Variants in GRIK4 observed in about 807,000 individuals in gnomAD.
GRIK4 encodes the protein glutamate ionotropic receptor kainate type subunit 4.
A neutral mutation model predicts 104.9 loss-of-function variants in GRIK4; 40 were observed. The ratio of observed to expected loss-of-function variants is 0.38; its 90% CI spans 0.30 to 0.50. GRIK4 has a LOEUF of 0.50. GRIK4 is among the 20% of genes least tolerant of loss of function. The pLI, the probability that GRIK4 is intolerant of heterozygous loss-of-function variation, is 0.93. For synonymous variants in GRIK4, 485 were observed against 524.9 expected (o/e 0.92, Z 1.04); for missense variants, 1,047 against 1,308.1 (o/e 0.80, Z 3.08).
chr11:120,720,097 A>G (rs990558235), intron 3 of GRIK4, among the ~76,000 whole-genome samples: 2 of 152,080 alleles, frequency 1.3e-5, no homozygotes, highest in Admixed American at 1.3e-4. Context: ...ATTGGGGAGC[A>G]CTGCCCTGCC....
At chr11:120,551,671 C>T (rs961640392) in intron 1 of GRIK4, among the ~76,000 whole-genome samples, 3 of 151,992 alleles carry the variant, frequency 2.0e-5, no homozygotes, top group African/African-American at 4.8e-5. Flanking sequence ...GTCCCAACTG[C>T]TCGGGAGGCT....
At chr11:120,973,293 G>A (rs999011759) in intron 19 of GRIK4, among the ~76,000 whole-genome samples, 2 of 152,180 alleles carry the variant, frequency 1.3e-5, no homozygotes, top group Admixed American at 6.5e-5. Flanking sequence ...GGAGGGAGAA[G>A]GGAGGCAGAA....
intron 3 of GRIK4, among the ~76,000 whole-genome samples, chr11:120,744,790 C>T (rs1951410279): frequency 1.3e-5 from 2 of 152,116 alleles, no homozygotes; most frequent in Non-Finnish European, 2.9e-5. Flanking sequence ...CCTGCAGGAA[C>T]ACTTTGGAAG....
chr11:120,794,211 C>G (rs12291819), intron 3 of GRIK4, among the ~76,000 whole-genome samples: 40 of 123,290 alleles, frequency 3.2e-4, no homozygotes, highest in Admixed American at 6.4e-4. Context: ...GTGATGGTTA[C>G]AGGTGAGGGA....
chr11:120,768,571 T>C (rs906308254), intron 3 of GRIK4, among the ~76,000 whole-genome samples: 1 of 152,198 alleles, frequency 6.6e-6, no homozygotes, highest in African/African-American at 2.4e-5. Context: ...ACTAGTACTT[T>C]TCATACTATA....
At chr11:120,551,436 A>C (rs920029735) in intron 1 of GRIK4, among the ~76,000 whole-genome samples, 26 of 152,202 alleles carry the variant, frequency 1.7e-4, no homozygotes, top group African/African-American at 6.0e-4. Flanking sequence ...GAATCTGAAC[A>C]GGCAGGCCGT....
At chr11:120,634,100 T>C (rs1250930976) in intron 1 of GRIK4, among the ~76,000 whole-genome samples, 1 of 152,200 alleles carries the variant, frequency 6.6e-6, no homozygotes, top group African/African-American at 2.4e-5. Context: ...TGGGGCTCTT[T>C]AGACCTGCCT....
chr11:120,936,583 C>A, intron 13 of GRIK4: 1 of 165,276 alleles, frequency 6.1e-6, no homozygotes, highest in Non-Finnish European at 1.3e-5. Flanking sequence ...TCCTGCTCCT[C>A]CCAGCAAGTT....
In GRIK4 at chr11:120,667,589, C is replaced by T. The variant is rs560770756; in HGVS notation, c.82+7189C>T. 5.3e-5 allele frequency among the ~76,000 whole-genome samples: 8 copies of T among 152,358 alleles called. No homozygotes were observed. In the East Asian group the frequency reaches 7.7e-4, roughly 15 times the overall value. On this transcript the variant is annotated intron_variant, in intron 3 of 20. Coordinates refer to ENST00000527524, the MANE Select transcript of GRIK4 (RefSeq NM_014619.5). ...AGGCACACGTTCCCTATCAGCTTTA[C>T]GGGGGCTGGGGCTCGGCTCGGTGGG...
At chr11:120,683,294 G>A (rs1950226411) in intron 3 of GRIK4, among the ~76,000 whole-genome samples, 1 of 152,146 alleles carries the variant, frequency 6.6e-6, no homozygotes, top group South Asian at 2.1e-4. Context: ...GACTAGTCTT[G>A]GTAGTAGGCT....
At chr11:120,527,310 C>A (rs945587659) in intron 1 of GRIK4, among the ~76,000 whole-genome samples, 1 of 152,200 alleles carries the variant, frequency 6.6e-6, no homozygotes, top group African/African-American at 2.4e-5. Context: ...GGAGATGCTT[C>A]CAGAGTGGGA....
Position 120,967,807 on chromosome 11 carries a change from C to T in GRIK4, c.2395+484C>T, listed in dbSNP as rs2134751822. Among the ~76,000 whole-genome samples, 1 of 152,156 alleles carries T rather than the reference C, an allele frequency of 6.6e-6. No individual in the cohort carries two copies. The highest frequency in any genetic ancestry group is 2.1e-4 in the South Asian group (1 of 4,796). ...AATTCAGGACCCTGTGTGATCTGTT[C>T]CCCCTCAGCCTTCCTCTCTTCTCTG... On this transcript the variant is annotated intron_variant, in intron 19 of 20. Transcript: ENST00000527524. The surrounding 1 kb of genome is among the most constrained non-coding windows in gnomAD (Gnocchi z 4.2).
chr11:120,885,785 A>G (rs1269488782), intron 11 of GRIK4, among the ~76,000 whole-genome samples: 1 of 152,230 alleles, frequency 6.6e-6, no homozygotes, highest in Non-Finnish European at 1.5e-5. Context: ...TTCAGAAACC[A>G]TGAGCTAGGT....
intron 3 of GRIK4, among the ~76,000 whole-genome samples, chr11:120,789,604 C>T (rs1952356556): frequency 1.3e-5 from 2 of 152,162 alleles, no homozygotes; most frequent in African/African-American, 4.8e-5. Flanking sequence ...ATGACGTCAT[C>T]GCCTGTCGGA....
chr11:120,731,248 G>GT (rs34922945), intron 3 of GRIK4, among the ~76,000 whole-genome samples: 2,706 of 147,514 alleles, frequency 0.018, 81 homozygotes, highest in African/African-American at 0.063. Context: ...TTCTATACCT[G>GT]TTTTTTTTTA....
intron 3 of GRIK4, among the ~76,000 whole-genome samples, chr11:120,795,116 C>A (rs192302976): frequency 1.3e-5 from 2 of 152,288 alleles, no homozygotes; most frequent in Non-Finnish European, 2.9e-5. Context: ...CAAACGGCCA[C>A]AGACAGTGTT....
At chr11:120,955,077 G>A (rs1396645272) in intron 15 of GRIK4, among the ~76,000 whole-genome samples, 2 of 152,176 alleles carry the variant, frequency 1.3e-5, no homozygotes, top group African/African-American at 4.8e-5. Flanking sequence ...CAGCTCTTAG[G>A]TAGCCATTCC....
chr11:120,654,940 C>T (rs1183575974), intron 2 of GRIK4, among the ~76,000 whole-genome samples: 4 of 152,284 alleles, frequency 2.6e-5, no homozygotes, highest in Admixed American at 2.6e-4. Context: ...GCATATATTA[C>T]TGTGATTCCC....
chr11:120,521,869 C>T (rs964533437), intron 1 of GRIK4, among the ~76,000 whole-genome samples: 17 of 152,200 alleles, frequency 1.1e-4, no homozygotes, highest in Admixed American at 6.5e-5. Context: ...TATCCTGCCT[C>T]GGCTGCTGCC....
Sources: allele counts gnomAD v4.1 joint callset (sites outside exome capture counted in the v4.1 genomes callset), GRCh38; gene constraint gnomAD v4.1.1; non-coding constraint Gnocchi (gnomAD v3.1); transcripts MANE v1.5; gene names NCBI Gene and HGNC (gene_info 2026-07-23, HGNC 2026-07-21).